Variants in AMER3 observed in about 807,000 individuals in gnomAD.
The protein encoded by AMER3 is family with sequence similarity 123C.
For synonymous variants in AMER3, 541 were observed against 485.5 expected (o/e 1.11, Z -1.50); for missense variants, 1,201 against 1,139.4 (o/e 1.05, Z -0.78).
At chr2:130,759,674 CA>C (rs1348596942) in intron 1 of AMER3, among the ~76,000 whole-genome samples, 1 of 152,166 alleles carries the variant, frequency 6.6e-6, no homozygotes, top group Admixed American at 6.5e-5. Context: ...CATGAAAACA[CA>C]TTTATTATTC....
At position 130,761,894 on chromosome 2, in the gene AMER3, T is replaced by C. The variant is rs764129072; in HGVS notation, c.-19-160T>C. 1.1e-3 allele frequency among the ~76,000 whole-genome samples: 160 copies of C among 152,272 alleles called. 1 individual carries two copies. Among genetic ancestry groups the C allele is most frequent in the Non-Finnish European group, 1.2e-3 (83 of 68,006 alleles). ...TCTCATTTTGGCTCCTACTGTGTGCTGTTAGGGCTGCTCCCATCTTTCTCC... is the reference window on the plus strand; with the variant it reads ...TCTCATTTTGGCTCCTACTGTGTGCCGTTAGGGCTGCTCCCATCTTTCTCC... On this transcript the variant is annotated intron_variant, in intron 1 of 1. Transcript: ENST00000321420.
rs778175607 is a variant in AMER3, at chr2:130,764,356, C to T, written c.2284C>T (p.Leu762=). ...CTGGCTCAGGGTGGAGCCCACCGGG[C>T]TAGGTGTCCAGGCCTGGGCCTCTGT... The part of the protein sequence containing the change: ...LSWLRVEPTG[L]GVQAWASVED... The change falls in exon 2 of 2, where the codon CTA becomes TTA. Residue 762 remains leucine (L), a synonymous_variant. Coordinates refer to ENST00000321420, the MANE Select transcript of AMER3 (RefSeq NM_152698.3). The T allele has an allele frequency of 6.2e-7, 1 of 1,611,522 alleles. No homozygotes were observed. Among genetic ancestry groups the T allele is most frequent in the East Asian group, 2.2e-5 (1 of 44,804 alleles).
chr2:130,758,234 C>T (rs1367762672), intron 1 of AMER3, among the ~76,000 whole-genome samples: 1 of 149,840 alleles, frequency 6.7e-6, no homozygotes, highest in East Asian at 2.0e-4. Context: ...CGTGGTGGTG[C>T]GTGCCTGTAG....
rs142277390 is a variant in AMER3, at chr2:130,764,058, C to T, written c.1986C>T (p.His662=). The stretch of plus-strand genomic sequence containing the variant: ...TCCGAGGCCCCTGGAGGCCAGGTCA[C>T]GGAGGTGACACTCTGGATGCAGAGC... ...GCFRGPWRPG[H]GGDTLDAEPM... is the part of the protein sequence containing the mutation. The change falls in exon 2 of 2, where the codon CAC becomes CAT. Residue 662 remains histidine (H), a synonymous_variant. Transcript: ENST00000321420. 1,101 of 1,612,376 alleles carry T rather than the reference C, an allele frequency of 6.8e-4. 6 individuals carry two copies. The South Asian group carries it at 9.2e-3, about 14-fold the overall frequency.
intron 1 of AMER3, among the ~76,000 whole-genome samples, chr2:130,761,523 G>A (rs904122140): frequency 1.3e-5 from 2 of 152,166 alleles, no homozygotes; most frequent in African/African-American, 4.8e-5. Flanking sequence ...TGTAGATAGA[G>A]TCTTGCCTCC....
rs529524341 is a variant in AMER3, at chr2:130,765,739, C to T, written c.*1081C>T. ...AAGGCAGTGGAAGAAAAGCCTGTCC[C>T]AGCTCTGAGAGAGAGACCAGTTTGC... On this transcript the variant is annotated 3_prime_UTR_variant, in exon 2 of 2. Coordinates refer to ENST00000321420, the MANE Select transcript of AMER3 (RefSeq NM_152698.3). 1 of 167,068 alleles carries T rather than the reference C, an allele frequency of 6.0e-6. No homozygotes were observed. Among genetic ancestry groups the T allele is most frequent in the Non-Finnish European group, 1.5e-5 (1 of 68,164 alleles). The allele number at this position is 167,068 out of a possible 1,614,324, so 10.3% of individuals were successfully genotyped here. A position where few individuals can be genotyped will look rare whatever the true frequency, so the allele number is the denominator to read the frequency against.
chr2:130,760,617 C>CAA (rs1225920568), intron 1 of AMER3, among the ~76,000 whole-genome samples: 1 of 152,152 alleles, frequency 6.6e-6, no homozygotes, highest in South Asian at 2.1e-4. Context: ...GCCAGACTGA[C>CAA]AGAGTACTGA....
Position 130,763,670 on chromosome 2 carries a change from C to T in AMER3, c.1598C>T (p.Ser533Phe), listed in dbSNP as rs770680817. ...GGGCAGCCTGCAGCTCCACCTGGTTCCCAGGGAGCCCCTAGGGCACCCACA... is the reference window on the plus strand; with the variant it reads ...GGGCAGCCTGCAGCTCCACCTGGTTTCCAGGGAGCCCCTAGGGCACCCACA... Reference protein sequence around the residue: ...TPGQPAAPPGSQGAPRAPTEK... With the variant: ...TPGQPAAPPGFQGAPRAPTEK... The change falls in exon 2 of 2, where the codon TCC becomes TTC. Residue 533 changes from serine to phenylalanine, a missense_variant. Ser to Phe is a radical substitution (Grantham distance 155, BLOSUM62 -2). Coordinates refer to ENST00000321420, the MANE Select transcript of AMER3 (RefSeq NM_152698.3). The T allele has an allele frequency of 6.7e-7, 1 of 1,490,344 alleles. No individual in the cohort carries two copies. The highest frequency in any genetic ancestry group is 1.4e-5 in the African/African-American group (1 of 71,416). 92.3% of individuals were successfully genotyped at this position (1,490,344 alleles called of 1,614,324 possible). A position where few individuals can be genotyped will look rare whatever the true frequency, so the allele number is the denominator to read the frequency against.
At chr2:130,761,007 C>T (rs539685532) in intron 1 of AMER3, among the ~76,000 whole-genome samples, 2 of 152,224 alleles carry the variant, frequency 1.3e-5, no homozygotes, top group South Asian at 2.1e-4. Flanking sequence ...CCCCTGCAGC[C>T]GCCATCTGCC....
rs1452329804 is a variant in AMER3 at position 130,763,707 on chromosome 2, G to A, written c.1635G>A (p.Gly545=). 6.4e-7 allele frequency: 1 copy of A among 1,556,876 alleles called. No homozygotes were observed. The highest frequency in any genetic ancestry group is 1.4e-5 in the African/African-American group (1 of 73,048). Residue 545 remains glycine (G), a synonymous_variant, in exon 2 of 2, where the codon GGG becomes GGA. Coordinates refer to ENST00000321420, the MANE Select transcript of AMER3 (RefSeq NM_152698.3). ...CTAGGGCACCCACAGAGAAGCTGGG[G>A]GGCAGGGAGGGCCTGGCCTCAGATG... ...GAPRAPTEKL[G]GREGLASDAG... is the part of the protein sequence containing the mutation.
chr2:130,762,214 C>A lies in AMER3; in HGVS notation c.142C>A (p.His48Asn). 2 of 1,585,372 alleles carry A rather than the reference C, an allele frequency of 1.3e-6. No individual in the cohort carries two copies. Among genetic ancestry groups the A allele is most frequent in the East Asian group, 2.3e-5 (1 of 43,908 alleles). The change falls in exon 2 of 2, where the codon CAC becomes AAC. Residue 48 changes from histidine to asparagine, a missense_variant. Coordinates refer to ENST00000321420, the MANE Select transcript of AMER3 (RefSeq NM_152698.3). Reference protein sequence around the residue: ...SVLPGGQQRPHSEKGPQASPS... With the variant: ...SVLPGGQQRPNSEKGPQASPS... ...CCTTCCAGGAGGGCAACAGAGGCCCCACAGTGAGAAGGGCCCCCAAGCCAG... is the reference window on the plus strand; with the variant it reads ...CCTTCCAGGAGGGCAACAGAGGCCCAACAGTGAGAAGGGCCCCCAAGCCAG...
Position 130,764,456 on chromosome 2 carries a change from C to T in AMER3, c.2384C>T (p.Pro795Leu). 7.5e-6 allele frequency: 12 copies of T among 1,600,294 alleles called. No homozygotes were observed. The highest frequency in any genetic ancestry group is 1.7e-4 in the Middle Eastern group (1 of 6,026). Reference protein sequence around the residue: ...VAHGSQLDSEPRSAPAARWSS... With the variant: ...VAHGSQLDSELRSAPAARWSS... ...CACGGCAGCCAGCTGGACTCTGAGC[C>T]CCGCTCAGCCCCTGCTGCCCGGTGG... Residue 795 changes from proline to leucine, a missense_variant, in exon 2 of 2, where the codon CCC (proline) becomes CTC (leucine). Transcript: ENST00000321420.
rs1678933684 is a variant in AMER3 at position 130,764,649 on chromosome 2, C to T, written c.2577C>T (p.Pro859=). The change falls in exon 2 of 2, where the codon CCC becomes CCT. Residue 859 remains proline, a synonymous_variant. Transcript: ENST00000321420. The part of the protein sequence containing the change: ...VGASGPAMAE[P]HL ...CCTCTGGGCCAGCCATGGCTGAGCC[C>T]CATCTGTAGGACAGGCTCACATGCA... is the stretch of plus-strand genomic sequence containing the variant. 5 of 1,603,644 alleles carry T rather than the reference C, an allele frequency of 3.1e-6. No homozygotes were observed.
chr2:130,761,036 C>A (rs1678762633), intron 1 of AMER3, among the ~76,000 whole-genome samples: 2 of 152,144 alleles, frequency 1.3e-5, no homozygotes, highest in Admixed American at 6.5e-5. Context: ...CATCCTCAGT[C>A]CATTGGGACT....
intron 1 of AMER3, among the ~76,000 whole-genome samples, chr2:130,756,078 G>A (rs1181158272): frequency 1.3e-5 from 2 of 151,464 alleles, no homozygotes; most frequent in South Asian, 2.1e-4. Flanking sequence ...CGCGGCCCGA[G>A]CGGCGGCGCA....
intron 1 of AMER3, among the ~76,000 whole-genome samples, chr2:130,759,347 G>A (rs1486156867): frequency 2.0e-5 from 3 of 152,230 alleles, no homozygotes; most frequent in African/African-American, 7.2e-5. Context: ...TGACTGTTAT[G>A]AGAACTGAGA....
chr2:130,763,536 G>A lies in AMER3; in HGVS notation c.1464G>A (p.Trp488Ter). 2 of 1,612,602 alleles carry A rather than the reference G, an allele frequency of 1.2e-6. No homozygotes were observed. The highest frequency in any genetic ancestry group is 1.7e-6 in the Non-Finnish European group (2 of 1,179,858). ...LLSQGFLQSSWKGKECLLKLC... is the reference protein window; with the variant it reads ...LLSQGFLQSS The stretch of plus-strand genomic sequence containing the variant: ...GCCAGGGCTTCCTACAGAGCTCCTG[G>A]AAGGGCAAGGAGTGCCTGCTGAAGC... The change falls in exon 2 of 2, where the codon TGG becomes TGA. Residue 488 changes from tryptophan to a stop codon, truncating the protein, a stop_gained. Coordinates refer to ENST00000321420, the MANE Select transcript of AMER3 (RefSeq NM_152698.3). LOFTEE classifies it low-confidence loss of function (END_TRUNC).
chr2:130,757,500 G>A (rs1678648077), intron 1 of AMER3, among the ~76,000 whole-genome samples: 1 of 152,188 alleles, frequency 6.6e-6, no homozygotes, highest in African/African-American at 2.4e-5. Flanking sequence ...CCCTCGCTGA[G>A]ACCTCAGGCC....
rs935858996 is a variant in AMER3, at chr2:130,766,259, C to T, written c.*1601C>T. The stretch of plus-strand genomic sequence containing the variant: ...GGTGGGGGAGCCGACCTTAGGAGGG[C>T]CCACTGAACCGGCCTCAATCTGGCC... On this transcript the variant is annotated 3_prime_UTR_variant, in exon 2 of 2. Transcript: ENST00000321420. 6 of 167,000 alleles carry T rather than the reference C, an allele frequency of 3.6e-5. No homozygotes were observed. Among genetic ancestry groups the T allele is most frequent in the African/African-American group, 1.4e-4 (6 of 41,428 alleles). The allele number at this position is 167,000 out of a possible 1,614,324, so 10.3% of individuals were successfully genotyped here. A position where few individuals can be genotyped will look rare whatever the true frequency, so the allele number is the denominator to read the frequency against.
Sources: allele counts gnomAD v4.1 joint callset (sites outside exome capture counted in the v4.1 genomes callset), GRCh38; gene constraint gnomAD v4.1.1; transcripts MANE v1.5; gene names NCBI Gene and HGNC (gene_info 2026-07-23, HGNC 2026-07-21).